The following TMEM37 variants were observed in gnomAD, a reference collection of about 807,000 sequenced individuals.
TMEM37 encodes transmembrane protein 37.
In TMEM37, 12 loss-of-function variants were observed where a neutral mutation model predicts 11.0. That is an observed-to-expected ratio of 1.09 (90% CI 0.70 to 1.76). The LOEUF is 1.76. Ranked by LOEUF, TMEM37 falls within the 40% of genes most tolerant of loss-of-function variation. The pLI is 0.00. For synonymous variants in TMEM37, 127 were observed against 110.5 expected, an observed-to-expected ratio of 1.15 and a Z score of -0.94; for missense variants, 203 against 251.2, an observed-to-expected ratio of 0.81 and a Z score of 1.30.
chr2:119,432,097 C>T, intron 1 of TMEM37, 173 bp downstream of exon 1: 1 of 409,176 alleles, frequency 2.4e-6, no homozygotes, highest in Non-Finnish European at 4.1e-6. Flanking sequence ...GGAGGCTGGG[C>T]GGGGAGCAAC....
chr2:119,435,191 T>C (rs1430746608), intron 1 of TMEM37, among the ~76,000 whole-genome samples: 1 of 152,244 alleles, frequency 6.6e-6, no homozygotes, highest in African/African-American at 2.4e-5. Flanking sequence ...TGCATCCTTA[T>C]TCCTGTATCC....
upstream of TMEM37, among the ~76,000 whole-genome samples, chr2:119,431,538 G>T (rs902228202): frequency 6.6e-6 from 1 of 152,208 alleles, no homozygotes; most frequent in Non-Finnish European, 1.5e-5. Context: ...CCTCGTCGCC[G>T]TCCCAGCCCT....
At chr2:119,430,043 A>C, upstream of TMEM37, 1 of 1,400,542 alleles carries the variant, frequency 7.1e-7, no homozygotes, top group Non-Finnish European at 9.9e-7. Context: ...CTTAGGGCTC[A>C]GTGAAAGGAT....
chr2:119,436,751 T>C, intron 1 of TMEM37, 138 bp from the exon 2 acceptor site: 1 of 716,068 alleles, frequency 1.4e-6, no homozygotes, highest in South Asian at 1.9e-5. Flanking sequence ...GTCTGGTCTG[T>C]TCCGGGCTTC....
At position 119,431,894 on chromosome 2, in the gene TMEM37, C is replaced by A; in HGVS notation, c.-10C>A. 1 of 1,226,214 alleles carries A rather than the reference C, an allele frequency of 8.2e-7. No individual in the cohort carries two copies. The highest frequency in any genetic ancestry group is 1.0e-6 in the Non-Finnish European group (1 of 984,504). The allele number at this position is 1,226,214 out of a possible 1,614,324, so 76.0% of individuals were successfully genotyped here. ...GCGATCGAGGCTGCAGCGCGGCCGCCGGGCGCAGCATGACTGCCGTCGGCG... is the reference window on the plus strand; with the variant it reads ...GCGATCGAGGCTGCAGCGCGGCCGCAGGGCGCAGCATGACTGCCGTCGGCG... On this transcript the variant is annotated 5_prime_UTR_variant, in exon 1 of 2. Coordinates refer to ENST00000306406, the MANE Select transcript of TMEM37 (RefSeq NM_183240.3).
chr2:119,433,303 C>A (rs1356385527), intron 1 of TMEM37, among the ~76,000 whole-genome samples: 1 of 152,208 alleles, frequency 6.6e-6, no homozygotes, highest in Non-Finnish European at 1.5e-5. Flanking sequence ...GGGGCAAACA[C>A]AGGTAGGAAG....
At position 119,437,366 on chromosome 2, in the gene TMEM37, A is replaced by T. The variant is rs1358477950; in HGVS notation, c.499A>T (p.Thr167Ser). ...GFTLMFWCEF[T>S]ASFLLFLNAI... ...CACCCTAATGTTTTGGTGCGAATTC[A>T]CTGCCTCCTTCCTCCTCTTCCTGAA... is the stretch of plus-strand genomic sequence containing the variant. The change falls in exon 2 of 2, where the codon ACT becomes TCT. Residue 167 changes from threonine (T) to serine (S), a missense_variant. Transcript: ENST00000306406. 6.2e-7 allele frequency: 1 copy of T among 1,614,220 alleles called. No homozygotes were observed. The highest frequency in any genetic ancestry group is 8.5e-7 in the Non-Finnish European group (1 of 1,180,040).
chr2:119,432,578 T>C (rs1317949322), intron 1 of TMEM37, among the ~76,000 whole-genome samples: 1 of 152,052 alleles, frequency 6.6e-6, no homozygotes, highest in Non-Finnish European at 1.5e-5. Flanking sequence ...TCCTACCCGC[T>C]CCCTCGGGCC....
At chr2:119,432,000 A>T in intron 1 of TMEM37, 76 bp downstream of exon 1, 10 of 873,262 alleles carry the variant, frequency 1.1e-5, no homozygotes, top group Non-Finnish European at 1.5e-5. Context: ...GGACGGAGGG[A>T]GGGGCGTACC....
intron 1 of TMEM37, among the ~76,000 whole-genome samples, chr2:119,436,627 C>T (rs1284765910): frequency 3.9e-5 from 6 of 152,182 alleles, no homozygotes; most frequent in Non-Finnish European, 7.3e-5. Flanking sequence ...ACTTCTCACC[C>T]ACTCTGAAGA....
chr2:119,431,813 C>G, upstream of TMEM37: 1 of 1,102,388 alleles, frequency 9.1e-7, no homozygotes, highest in East Asian at 3.4e-5. Flanking sequence ...AGCAGCCGCC[C>G]CGCCCCTGCG....
chr2:119,434,241 C>G (rs761812707), intron 1 of TMEM37, among the ~76,000 whole-genome samples: 16 of 152,120 alleles, frequency 1.1e-4, no homozygotes, highest in Non-Finnish European at 2.1e-4. Flanking sequence ...TGGTGCTCCT[C>G]CTTTTTAGGA....
rs79242938 is a variant in TMEM37 at position 119,433,943 on chromosome 2, G to A, written c.21+2019G>A. Reference sequence around the variant, plus strand: ...AGCTACCATGAGTTGGGAGCGGCCCGTGTACCATGCATCTTTATATACAGG... The same window carrying A: ...AGCTACCATGAGTTGGGAGCGGCCCATGTACCATGCATCTTTATATACAGG... On this transcript the variant is annotated intron_variant, in intron 1 of 1. Coordinates refer to ENST00000306406, the MANE Select transcript of TMEM37 (RefSeq NM_183240.3). Among the ~76,000 whole-genome samples, 701 of 152,270 alleles carry A rather than the reference G, an allele frequency of 4.6e-3. 3 individuals carry two copies. Among genetic ancestry groups the A allele is most frequent in the Non-Finnish European group, 6.7e-3 (454 of 68,028 alleles).
chr2:119,432,883 C>T (rs1178182067), intron 1 of TMEM37, among the ~76,000 whole-genome samples: 1 of 152,222 alleles, frequency 6.6e-6, no homozygotes, highest in African/African-American at 2.4e-5. Context: ...CCCACTGGCT[C>T]CTCCTGCCTT....
At position 119,437,629 on chromosome 2, in the gene TMEM37, C is replaced by A; in HGVS notation, c.*189C>A. Reference sequence around the variant, plus strand: ...CCCGGGGGCCTCTGCACCTGGTCTGCAGGGCCAGAGGCCAGGAGGGTGCCT... The same window carrying A: ...CCCGGGGGCCTCTGCACCTGGTCTGAAGGGCCAGAGGCCAGGAGGGTGCCT... On this transcript the variant is annotated 3_prime_UTR_variant, in exon 2 of 2. Transcript: ENST00000306406. 1 of 721,356 alleles carries A rather than the reference C, an allele frequency of 1.4e-6. No homozygotes were observed. The highest frequency in any genetic ancestry group is 2.2e-6 in the Non-Finnish European group (1 of 447,980). The allele number at this position is 721,356 out of a possible 1,614,324, so 44.7% of individuals were successfully genotyped here.
rs1056048843 is a variant in TMEM37, at chr2:119,437,745, G to A, written c.*305G>A. The A allele has an allele frequency of 5.5e-5, 22 of 396,758 alleles. No homozygotes were observed. The highest frequency in any genetic ancestry group is 5.5e-5 in the Non-Finnish European group (12 of 220,030). The allele number at this position is 396,758 out of a possible 1,614,324, so 24.6% of individuals were successfully genotyped here. ...ACTCCTTCTTGAATTTTCTTCCCTG[G>A]ACTGGAATACAGTTGGAAGCACAGG... On this transcript the variant is annotated 3_prime_UTR_variant, in exon 2 of 2. Transcript: ENST00000306406.
chr2:119,435,951 C>G (rs1682487145), intron 1 of TMEM37, among the ~76,000 whole-genome samples: 1 of 152,170 alleles, frequency 6.6e-6, no homozygotes, highest in Non-Finnish European at 1.5e-5. Context: ...AAAGAAAGTT[C>G]TAGACATGGG....
rs1573767286 is a variant in TMEM37 at position 119,436,938 on chromosome 2, C to T, written c.71C>T (p.Ser24Phe). 2 of 1,614,192 alleles carry T rather than the reference C, an allele frequency of 1.2e-6. No homozygotes were observed. The highest frequency in any genetic ancestry group is 4.5e-5 in the East Asian group (2 of 44,874). ...CAGCCCCGCCGGTCCTTCTTTGAATCCTTCATCCGGACCCTCATCATCACG... is the reference window on the plus strand; with the variant it reads ...CAGCCCCGCCGGTCCTTCTTTGAATTCTTCATCCGGACCCTCATCATCACG... Reference protein sequence around the residue: ...QRQPRRSFFESFIRTLIITCV... With the variant: ...QRQPRRSFFEFFIRTLIITCV... The change falls in exon 2 of 2, where the codon TCC becomes TTC. Residue 24 changes from serine (S) to phenylalanine (F), a missense_variant. By Grantham distance (155) the Ser-to-Phe change is radical (BLOSUM62 -2). Transcript: ENST00000306406.
chr2:119,436,856 G>A (rs746161249), intron 1 of TMEM37, 33 bp from the exon 2 acceptor site: 2 of 1,572,950 alleles, frequency 1.3e-6, no homozygotes, highest in African/African-American at 2.7e-5. Context: ...GCAGGGCTGT[G>A]GCTGACAGGG....
Sources: allele counts gnomAD v4.1 joint callset (sites outside exome capture counted in the v4.1 genomes callset), GRCh38; gene constraint gnomAD v4.1.1; transcripts MANE v1.5; gene names NCBI Gene and HGNC (gene_info 2026-07-23, HGNC 2026-07-21).